Variants in SYNGR4 observed in about 807,000 individuals in gnomAD.
The protein encoded by SYNGR4 is synaptogyrin 4.
SYNGR4 carries 15 observed loss-of-function variants against 15.5 expected under a neutral mutation model. That is an observed-to-expected ratio of 0.97 (90% confidence interval 0.65 to 1.49). The LOEUF is 1.49. Among genes scored for constraint, SYNGR4 ranks in the 40% most tolerant of loss-of-function variants. The probability of loss-of-function intolerance (pLI) is 0.00; values close to 1 mark genes in which losing one functional copy is unlikely to be tolerated. For synonymous variants in SYNGR4, 121 were observed against 127.4 expected (o/e 0.95, Z 0.34); for missense variants, 292 against 299.3 (o/e 0.98, Z 0.18).
intron 2 of SYNGR4, among the ~76,000 whole-genome samples, chr19:48,372,489 CAA>C (rs879872610): frequency 7.1e-6 from 1 of 140,798 alleles, no homozygotes. Flanking sequence ...ACTAAAAATA[CAA>C]AAAAAAAAAA....
At chr19:48,370,543 C>G (rs1366998280) in intron 2 of SYNGR4, among the ~76,000 whole-genome samples, 2 of 152,072 alleles carry the variant, frequency 1.3e-5, no homozygotes, top group East Asian at 3.9e-4. Flanking sequence ...AGTTCCAATT[C>G]TAACGAAGGG....
Position 48,373,710 on chromosome 19 carries a change from C to T in SYNGR4, c.287C>T (p.Thr96Ile), listed in dbSNP as rs781154537. The change falls in exon 3 of 5, where the codon ACC (threonine) becomes ATC (isoleucine). Residue 96 changes from threonine to isoleucine, a missense_variant. Transcript: ENST00000344846. ...LDTQETRIAG[T>I]RFKTAFQLLD... ...ACACAGGAGACCCGCATTGCCGGCA[C>T]CCGCTTCAAGACAGCCTTCCAGCTC... 40 of 1,613,926 alleles carry T rather than the reference C, an allele frequency of 2.5e-5. 1 individual carries two copies. In the Admixed American group the frequency reaches 3.7e-4, roughly 15 times the overall value.
At chr19:48,366,091 C>A (rs970116350) in intron 2 of SYNGR4, among the ~76,000 whole-genome samples, 156 bp downstream of exon 2, 1 of 152,140 alleles carries the variant, frequency 6.6e-6, no homozygotes, top group Non-Finnish European at 1.5e-5. Flanking sequence ...TCCTGAGCAC[C>A]CCACTATAGG....
At chr19:48,365,218 GCCCCC>G (rs1255462565) in intron 1 of SYNGR4, among the ~76,000 whole-genome samples, 1 of 115,124 alleles carries the variant, frequency 8.7e-6, no homozygotes, top group Non-Finnish European at 1.8e-5. Context: ...CCCATCCTAT[GCCCCC>G]CTCTCCTGGG....
intron 1 of SYNGR4, among the ~76,000 whole-genome samples, chr19:48,365,278 A>ACCC (rs376485099): frequency 2.1e-5 from 2 of 94,124 alleles, no homozygotes; most frequent in Admixed American, 2.3e-4. Flanking sequence ...ATTCCTGGGA[A>ACCC]CCCCCAGCAC....
chr19:48,366,203 A>G (rs1006616140), intron 2 of SYNGR4, among the ~76,000 whole-genome samples: 11 of 152,094 alleles, frequency 7.2e-5, no homozygotes, highest in African/African-American at 2.7e-4. Flanking sequence ...AGGGCTTAGA[A>G]AAGTTAAGTA....
intron 2 of SYNGR4, 42 bp from the exon 3 acceptor site, chr19:48,373,475 A>T: frequency 6.4e-7 from 1 of 1,556,020 alleles, no homozygotes. Flanking sequence ...GAGCAGCTTC[A>T]GGGAGAGACT....
At chr19:48,366,835 C>T (rs942368018) in intron 2 of SYNGR4, among the ~76,000 whole-genome samples, 6 of 152,298 alleles carry the variant, frequency 3.9e-5, no homozygotes, top group African/African-American at 1.4e-4. Context: ...TGCTCAACAG[C>T]CACATGTGGC....
At position 48,376,105 on chromosome 19, in the gene SYNGR4, A is replaced by G. The variant is rs1212301088; in HGVS notation, c.492A>G (p.Ala164=). 10 of 1,613,972 alleles carry G rather than the reference A, an allele frequency of 6.2e-6. No individual in the cohort carries two copies. The highest frequency in any genetic ancestry group is 4.0e-5 in the African/African-American group (3 of 74,914). The change falls in exon 5 of 5, where the codon GCA becomes GCG. Residue 164 remains alanine, a synonymous_variant. Transcript: ENST00000344846. Reference sequence around the variant, plus strand: ...CACAGATATTCCAGGCCTACCTGGCATTCCAGGACCTCCGAAATGATGCTC... The same window carrying G: ...CACAGATATTCCAGGCCTACCTGGCGTTCCAGGACCTCCGAAATGATGCTC... ...ILVWIFQAYL[A]FQDLRNDAPV...
chr19:48,365,793 C>T lies in SYNGR4; in HGVS notation c.-50C>T. Reference sequence around the variant, plus strand: ...GACGGCAGTGCCCAGCAGGCAGCGCCCAGCACCCTGGCTCCCACCTCCCAG... The same window carrying T: ...GACGGCAGTGCCCAGCAGGCAGCGCTCAGCACCCTGGCTCCCACCTCCCAG... On this transcript the variant is annotated 5_prime_UTR_variant, in exon 2 of 5. Transcript: ENST00000344846. 1 of 1,604,438 alleles carries T rather than the reference C, an allele frequency of 6.2e-7. No homozygotes were observed.
intron 3 of SYNGR4, among the ~76,000 whole-genome samples, chr19:48,374,515 C>T (rs148934164): frequency 1.0e-3 from 152 of 152,334 alleles, no homozygotes; most frequent in African/African-American, 3.6e-3. Context: ...CACCCTGCCG[C>T]TCCTCCTCCC....
chr19:48,374,759 T>C (rs945113774), intron 3 of SYNGR4, among the ~76,000 whole-genome samples: 2 of 152,080 alleles, frequency 1.3e-5, no homozygotes, highest in Non-Finnish European at 2.9e-5. Flanking sequence ...GTGGATAACT[T>C]GAGGCCAGAA....
rs111999333 is a variant in SYNGR4 at position 48,374,234 on chromosome 19, C to G, written c.331+480C>G. Among the ~76,000 whole-genome samples the G allele has an allele frequency of 2.1e-3, 321 of 152,122 alleles. 2 individuals carry two copies. The highest frequency in any genetic ancestry group is 7.1e-3 in the African/African-American group (293 of 41,516). ...CTGGGATTACAGGCGCACACCACCACACCCGGCTAATTATTTTTTGTATTT... is the reference window on the plus strand; with the variant it reads ...CTGGGATTACAGGCGCACACCACCAGACCCGGCTAATTATTTTTTGTATTT... On this transcript the variant is annotated intron_variant, in intron 3 of 4. Transcript: ENST00000344846.
Position 48,371,744 on chromosome 19 carries a change from A to AT in SYNGR4, c.94-1761dup, listed in dbSNP as rs112725407. On this transcript the variant is annotated intron_variant, in intron 2 of 4. Transcript: ENST00000344846. ...GGGTGCATGCCACCACACTGAGCTA[A>AT]TTTTTTTTTTTTAAGAAGTTTTGGT... Among the ~76,000 whole-genome samples, 875 of 143,176 alleles carry AT rather than the reference A, an allele frequency of 6.1e-3. 4 individuals are homozygous for AT. Among genetic ancestry groups the AT allele is most frequent in the African/African-American group, 0.019 (724 of 38,978 alleles). 93.9% of individuals were successfully genotyped at this position (143,176 alleles called of 152,430 possible).
intron 3 of SYNGR4, among the ~76,000 whole-genome samples, chr19:48,374,987 C>CA (rs1016289386): frequency 2.7e-5 from 4 of 148,776 alleles, no homozygotes; most frequent in African/African-American, 9.9e-5. Flanking sequence ...ATAACAACAA[C>CA]AACAAAAAAA....
chr19:48,364,956 G>A (rs112850428), intron 1 of SYNGR4, among the ~76,000 whole-genome samples: 3,432 of 149,764 alleles, frequency 0.023, 135 homozygotes, highest in African/African-American at 0.078. Flanking sequence ...CAGCCCTCTC[G>A]CCCAACAACC....
intron 3 of SYNGR4, among the ~76,000 whole-genome samples, chr19:48,374,057 T>C (rs1401566044): frequency 1.3e-5 from 2 of 149,298 alleles, no homozygotes; most frequent in African/African-American, 4.9e-5. Context: ...TTTGCTTCCC[T>C]CATTTACAGA....
At chr19:48,372,814 C>T (rs1970329763) in intron 2 of SYNGR4, among the ~76,000 whole-genome samples, 1 of 152,174 alleles carries the variant, frequency 6.6e-6, no homozygotes, top group African/African-American at 2.4e-5. Flanking sequence ...TTTCTGTATG[C>T]TTGGACTATC....
chr19:48,374,640 C>T (rs1452562885), intron 3 of SYNGR4, among the ~76,000 whole-genome samples: 2 of 152,196 alleles, frequency 1.3e-5, no homozygotes, highest in Non-Finnish European at 2.9e-5. Context: ...TGCGCCTTCT[C>T]ATGCAGGAGC....
Sources: allele counts gnomAD v4.1 joint callset (sites outside exome capture counted in the v4.1 genomes callset), GRCh38; gene constraint gnomAD v4.1.1; transcripts MANE v1.5; gene names NCBI Gene and HGNC (gene_info 2026-07-23, HGNC 2026-07-21).